The following CACNG3 variants were observed in gnomAD, a reference collection of about 807,000 sequenced individuals.
CACNG3 encodes calcium voltage-gated channel auxiliary subunit gamma 3, also known as voltage-dependent calcium channel gamma-3 subunit.
In CACNG3, 3 loss-of-function variants were observed where a neutral mutation model predicts 28.5. The observed-to-expected ratio is 0.11, with a 90% confidence interval of 0.05 to 0.27. The LOEUF is 0.27. Ranked by LOEUF, CACNG3 falls within the 10% of genes least tolerant of loss-of-function variation. The pLI is 1.00. For synonymous variants in CACNG3, 174 were observed against 162.2 expected (o/e 1.07, Z -0.55); for missense variants, 236 against 414.4 (o/e 0.57, Z 3.74).
intron 1 of CACNG3, among the ~76,000 whole-genome samples, chr16:24,287,446 A>C (rs1024245765): frequency 4.3e-5 from 6 of 138,264 alleles, no homozygotes; most frequent in African/African-American, 5.4e-5. Flanking sequence ...TGAACCCAAG[A>C]GGCGGAGGTT....
chr16:24,302,360 C>T (rs2141360672), intron 1 of CACNG3, among the ~76,000 whole-genome samples: 1 of 152,318 alleles, frequency 6.6e-6, no homozygotes, highest in East Asian at 1.9e-4. Context: ...TACAGCGTCC[C>T]CTGGGAGTCT....
At chr16:24,301,512 C>T (rs1194241560) in intron 1 of CACNG3, among the ~76,000 whole-genome samples, 5 of 152,128 alleles carry the variant, frequency 3.3e-5, no homozygotes, top group African/African-American at 1.2e-4. Flanking sequence ...TCCTGCAGCT[C>T]ACGACGGTCA....
chr16:24,353,555 G>C (rs1030470402), intron 2 of CACNG3, among the ~76,000 whole-genome samples: 1 of 152,182 alleles, frequency 6.6e-6, no homozygotes, highest in Non-Finnish European at 1.5e-5. Context: ...AGCTGACACA[G>C]GGACCTCCAG....
intron 1 of CACNG3, among the ~76,000 whole-genome samples, chr16:24,292,324 T>C (rs963167266): frequency 6.6e-6 from 1 of 152,228 alleles, no homozygotes; most frequent in African/African-American, 2.4e-5. Context: ...GGCCACTGGC[T>C]TCCCCAAGGG....
At chr16:24,360,252 A>C (rs1900088686) in intron 3 of CACNG3, among the ~76,000 whole-genome samples, 1 of 152,154 alleles carries the variant, frequency 6.6e-6, no homozygotes, top group Non-Finnish European at 1.5e-5. Context: ...AGGGACAAAA[A>C]AAAAGACATA....
At chr16:24,359,696 TA>T (rs959447712) in intron 3 of CACNG3, among the ~76,000 whole-genome samples, 54 of 145,046 alleles carry the variant, frequency 3.7e-4, no homozygotes, top group South Asian at 6.5e-4. Flanking sequence ...ACCCCATTTC[TA>T]AAAAAAAAAA....
At chr16:24,315,810 T>C (rs1031791965) in intron 1 of CACNG3, among the ~76,000 whole-genome samples, 3 of 152,152 alleles carry the variant, frequency 2.0e-5, no homozygotes, top group Middle Eastern at 3.4e-3. Context: ...AGGCATCCAC[T>C]ACAATGCCCA....
At chr16:24,257,804 T>C (rs1898488326) in intron 1 of CACNG3, among the ~76,000 whole-genome samples, 1 of 152,226 alleles carries the variant, frequency 6.6e-6, no homozygotes, top group Non-Finnish European at 1.5e-5. Context: ...AGTTATAACT[T>C]ATAATGAAGA....
At chr16:24,347,914 C>G (rs1279802767) in intron 2 of CACNG3, among the ~76,000 whole-genome samples, 1 of 152,106 alleles carries the variant, frequency 6.6e-6, no homozygotes, top group Non-Finnish European at 1.5e-5. Context: ...ATCCATCTGA[C>G]AGGGTCACAA....
At chr16:24,267,202 G>T (rs1379542561) in intron 1 of CACNG3, among the ~76,000 whole-genome samples, 1 of 152,126 alleles carries the variant, frequency 6.6e-6, no homozygotes, top group African/African-American at 2.4e-5. Flanking sequence ...TCCTGATCTT[G>T]TGATCCGCCC....
At chr16:24,259,300 C>T (rs146466752) in intron 1 of CACNG3, among the ~76,000 whole-genome samples, 6 of 152,262 alleles carry the variant, frequency 3.9e-5, no homozygotes, top group African/African-American at 1.2e-4. Flanking sequence ...AATTTGAAGC[C>T]AAGATGTGTA....
intron 1 of CACNG3, among the ~76,000 whole-genome samples, chr16:24,271,638 G>A (rs529938476): frequency 3.7e-4 from 56 of 152,314 alleles, no homozygotes; most frequent in Non-Finnish European, 5.6e-4. Flanking sequence ...TACTTATTGA[G>A]CCGCTACTAT....
At chr16:24,342,800 G>T (rs995106676) in intron 1 of CACNG3, among the ~76,000 whole-genome samples, 1 of 151,910 alleles carries the variant, frequency 6.6e-6, no homozygotes, top group Non-Finnish European at 1.5e-5. Flanking sequence ...ATATTCTTTC[G>T]ATTTTTTTTT....
intron 1 of CACNG3, among the ~76,000 whole-genome samples, chr16:24,301,778 AC>A (rs968164260): frequency 7.9e-5 from 12 of 152,118 alleles, no homozygotes; most frequent in African/African-American, 2.9e-4. Flanking sequence ...TTCATCTCTC[AC>A]CCAAGAGAGC....
chr16:24,259,948 G>T (rs1898516904), intron 1 of CACNG3, among the ~76,000 whole-genome samples: 1 of 152,224 alleles, frequency 6.6e-6, no homozygotes, highest in South Asian at 2.1e-4. Flanking sequence ...GTCTGAGGTA[G>T]ACCAGGAAAA....
intron 1 of CACNG3, among the ~76,000 whole-genome samples, chr16:24,273,209 T>C (rs1394825276): frequency 1.3e-5 from 2 of 152,210 alleles, no homozygotes; most frequent in East Asian, 3.8e-4. Context: ...CTAAGTCCAA[T>C]TGCTTTTTTA....
chr16:24,277,517 G>A (rs770441723), intron 1 of CACNG3, among the ~76,000 whole-genome samples: 31 of 152,244 alleles, frequency 2.0e-4, no homozygotes, highest in Admixed American at 3.9e-4. Flanking sequence ...GCTTACACCC[G>A]TGATCCCAGC....
intron 1 of CACNG3, among the ~76,000 whole-genome samples, chr16:24,312,951 GAAAGAGAAAGAAAGAAA>G (rs1899288947): frequency 1.0e-5 from 1 of 98,980 alleles, no homozygotes; most frequent in Non-Finnish European, 2.2e-5. Context: ...AAGAAAGAAA[GAAAGAGAAAGAAAGAAA>G]AGAAAGAAAG....
chr16:24,296,809 G>A (rs1567212587), intron 1 of CACNG3, among the ~76,000 whole-genome samples: 2 of 152,200 alleles, frequency 1.3e-5, no homozygotes. Context: ...CCCTGGGCCA[G>A]AAAGGGCTTC....
Sources: gnomAD v4.1 joint callset for allele counts (sites outside exome capture counted in the v4.1 genomes callset) on GRCh38, gnomAD v4.1.1 for gene constraint, MANE v1.5 for transcripts, NCBI Gene and HGNC (gene_info 2026-07-23, HGNC 2026-07-21) for gene names.